ARHGEF7: variants seen among roughly 807,000 people sequenced by gnomAD.
ARHGEF7 encodes Rho guanine nucleotide exchange factor 7, also known as PAK-interacting exchange factor beta.
Under a neutral mutation model 109.8 loss-of-function variants are expected in ARHGEF7, and 33 were observed. That is an observed-to-expected ratio of 0.30 (90% CI 0.23 to 0.40). The LOEUF (loss-of-function observed/expected upper bound fraction) is 0.40. ARHGEF7 is among the 10% of genes least tolerant of loss of function. The pLI, the probability that ARHGEF7 is intolerant of heterozygous loss-of-function variation, is 1.00. For missense variants in ARHGEF7, 938 were observed against 1,098.5 expected (o/e 0.85, Z 2.07); for synonymous variants, 458 against 424.6 (o/e 1.08, Z -0.97).
intron 6 of ARHGEF7, among the ~76,000 whole-genome samples, chr13:111,238,611 G>T (rs1198550271): frequency 6.6e-6 from 1 of 152,156 alleles, no homozygotes; most frequent in African/African-American, 2.4e-5. Context: ...GAGCTTGGTG[G>T]ATTTGACAGT....
chr13:111,283,010 A>G (rs2092851234), intron 15 of ARHGEF7, 129 bp from the exon 16 acceptor site: 1 of 1,230,292 alleles, frequency 8.1e-7, no homozygotes, highest in African/African-American at 1.5e-5. Flanking sequence ...TACGAATGAA[A>G]TGATAAATCC....
chr13:111,123,865 C>T (rs75418774), intron 1 of ARHGEF7, among the ~76,000 whole-genome samples: 3 of 35,984 alleles, frequency 8.3e-5, no homozygotes, highest in African/African-American at 3.4e-4. Flanking sequence ...GGGCTGCGCC[C>T]CCCCCCCCCG....
intron 1 of ARHGEF7, among the ~76,000 whole-genome samples, chr13:111,139,938 A>C (rs560884921): frequency 6.6e-6 from 1 of 152,208 alleles, no homozygotes; most frequent in African/African-American, 2.4e-5. Flanking sequence ...AACTAAGACA[A>C]TCTTTCATTT....
intron 8 of ARHGEF7, among the ~76,000 whole-genome samples, chr13:111,262,720 C>T (rs1202714798): frequency 6.6e-6 from 1 of 152,194 alleles, no homozygotes; most frequent in Non-Finnish European, 1.5e-5. Flanking sequence ...ACCCAGTAAT[C>T]TTCTGGGTAA....
intron 1 of ARHGEF7, among the ~76,000 whole-genome samples, chr13:111,125,542 G>A (rs1043966058): frequency 6.6e-6 from 1 of 152,202 alleles, no homozygotes; most frequent in Non-Finnish European, 1.5e-5. Context: ...AGCTCCAAGT[G>A]TGTTTGGATT....
chr13:111,186,202 C>G (rs2079241686), intron 2 of ARHGEF7, among the ~76,000 whole-genome samples: 1 of 152,072 alleles, frequency 6.6e-6, no homozygotes, highest in Non-Finnish European at 1.5e-5. Flanking sequence ...TTGGGAAGAG[C>G]CCTGCCTGCC....
At chr13:111,301,840 C>T (rs950080205) in intron 21 of ARHGEF7, among the ~76,000 whole-genome samples, 5 of 152,026 alleles carry the variant, frequency 3.3e-5, no homozygotes, top group Admixed American at 6.6e-5. Context: ...TGCTGTGAGC[C>T]GAGATTGTGC....
chr13:111,295,078 C>T (rs1006395779), intron 19 of ARHGEF7: 1 of 984,374 alleles, frequency 1.0e-6, no homozygotes, highest in African/African-American at 1.7e-5. Context: ...CTGAATGTTG[C>T]ATTGTATTGT....
intron 20 of ARHGEF7, 100 bp downstream of exon 20, chr13:111,300,947 C>T: frequency 1.5e-6 from 1 of 667,542 alleles, no homozygotes; most frequent in South Asian, 2.5e-5. Context: ...GCTTCAGAAG[C>T]TTCACTTTTT....
chr13:111,223,351 A>G (rs566430484), intron 5 of ARHGEF7, among the ~76,000 whole-genome samples: 46 of 152,346 alleles, frequency 3.0e-4, no homozygotes, highest in African/African-American at 1.0e-3. Context: ...CCATCATGTT[A>G]GGATCATTTC....
At chr13:111,223,647 T>C (rs759559426) in intron 5 of ARHGEF7, among the ~76,000 whole-genome samples, 19 of 152,354 alleles carry the variant, frequency 1.2e-4, no homozygotes, top group Non-Finnish European at 2.2e-4. Flanking sequence ...ACCTGTGGTG[T>C]AGGATTTCTT....
chr13:111,177,465 C>T (rs139088974), intron 2 of ARHGEF7, among the ~76,000 whole-genome samples: 76 of 152,260 alleles, frequency 5.0e-4, no homozygotes, highest in African/African-American at 1.6e-3. Context: ...GTTCTGAATG[C>T]GGCTGGAATC....
chr13:111,234,484 G>A (rs952676829), intron 6 of ARHGEF7, among the ~76,000 whole-genome samples: 2 of 152,148 alleles, frequency 1.3e-5, no homozygotes, highest in African/African-American at 2.4e-5. Flanking sequence ...ACAGAATGGC[G>A]GGTGCCTCTC....
chr13:111,208,575 G>A (rs372550782), intron 3 of ARHGEF7, among the ~76,000 whole-genome samples: 52 of 152,294 alleles, frequency 3.4e-4, no homozygotes, highest in African/African-American at 1.1e-3. Flanking sequence ...CCTTGTATGA[G>A]AATTTCCTGG....
chr13:111,284,793 G>T (rs909945759), intron 16 of ARHGEF7, among the ~76,000 whole-genome samples: 1 of 152,104 alleles, frequency 6.6e-6, no homozygotes, highest in Non-Finnish European at 1.5e-5. Context: ...CGTGGAGGCC[G>T]CTCTGCAGCC....
intron 1 of ARHGEF7, chr13:111,153,703 C>G: frequency 8.4e-6 from 11 of 1,315,490 alleles, no homozygotes; most frequent in Non-Finnish European, 1.1e-5. Context: ...TTGGTGCAGC[C>G]CCGGAGGAAG....
chr13:111,280,771 C>T (rs963342700), intron 15 of ARHGEF7, 94 bp downstream of exon 15: 3 of 1,346,278 alleles, frequency 2.2e-6, no homozygotes, highest in Non-Finnish European at 3.0e-6. Flanking sequence ...AAAACCTAAT[C>T]AATATTTGGA....
chr13:111,280,582 G>C lies in ARHGEF7; in HGVS notation c.1630G>C (p.Asp544His). 1 of 1,612,454 alleles carries C rather than the reference G, an allele frequency of 6.2e-7. No homozygotes were observed. Among genetic ancestry groups the C allele is most frequent in the South Asian group, 1.1e-5 (1 of 90,708 alleles). ...RILVSCNNQQ[D>H]LQEWVEHLQK... is the part of the protein sequence containing the mutation. ...ATTAGTGTCGTGCAACAACCAGCAG[G>C]ATCTGCAGGAATGGGTGGAGCACCT... is the stretch of plus-strand genomic sequence containing the variant. Residue 544 changes from aspartate to histidine, a missense_variant, in exon 15 of 22, where the codon GAT becomes CAT. By Grantham distance (81) the Asp-to-His change is moderately conservative. Coordinates refer to ENST00000646102, the MANE Select transcript of ARHGEF7 (RefSeq NM_001354046.2).
chr13:111,197,611 T>A (rs950826804), intron 2 of ARHGEF7, among the ~76,000 whole-genome samples: 1 of 152,206 alleles, frequency 6.6e-6, no homozygotes, highest in Non-Finnish European at 1.5e-5. Context: ...GGAAGAGTGA[T>A]GCCTTTTGTC....
Sources: gnomAD v4.1 joint callset for allele counts (sites outside exome capture counted in the v4.1 genomes callset) on GRCh38, gnomAD v4.1.1 for gene constraint, MANE v1.5 for transcripts, NCBI Gene and HGNC (gene_info 2026-07-23, HGNC 2026-07-21) for gene names.